AFAP1: variants seen among roughly 807,000 people sequenced by gnomAD.
AFAP1 encodes actin filament associated protein 1, also known as actin filament-associated protein 1.
Under a neutral mutation model 93.9 loss-of-function variants are expected in AFAP1, and 75 were observed. The ratio of observed to expected loss-of-function variants is 0.80; its 90% CI spans 0.66 to 0.97. AFAP1 has a LOEUF of 0.97. Ranked by LOEUF, AFAP1 falls within the 50% of genes least tolerant of loss-of-function variation. The probability of loss-of-function intolerance (pLI) is 0.00; values close to 1 mark genes in which losing one functional copy is unlikely to be tolerated. For synonymous variants in AFAP1, 517 were observed against 430.7 expected (o/e 1.20, Z -2.48); for missense variants, 1,201 against 1,050.8 (o/e 1.14, Z -1.98).
intron 10 of AFAP1, among the ~76,000 whole-genome samples, chr4:7,799,914 C>A (rs768635564): frequency 6.6e-6 from 1 of 152,106 alleles, no homozygotes; most frequent in East Asian, 1.9e-4. Context: ...ACAGCAAAGG[C>A]GCTCTTTCAG....
intron 6 of AFAP1, among the ~76,000 whole-genome samples, chr4:7,824,750 G>C (rs1174735874): frequency 6.6e-6 from 1 of 152,194 alleles, no homozygotes; most frequent in Non-Finnish European, 1.5e-5. Context: ...CGGGAAGGCT[G>C]AGGGAACGGG....
chr4:7,907,782 G>T lies in AFAP1; in HGVS notation c.-3+31874C>A, dbSNP rs543422147. Among the ~76,000 whole-genome samples, 3 of 152,234 alleles carry T rather than the reference G, an allele frequency of 2.0e-5. No individual in the cohort carries two copies. In the East Asian group the frequency reaches 5.8e-4, roughly 29 times the overall value. ...AACACTTCTGGTTCCAAGCAGTTTA[G>T]ATAAGGGATATTCAATCTGCATTGT... On this transcript the variant is annotated intron_variant, in intron 1 of 17. Transcript: ENST00000420658.
At chr4:7,924,584 C>T (rs1401430305) in intron 1 of AFAP1, among the ~76,000 whole-genome samples, 1 of 152,140 alleles carries the variant, frequency 6.6e-6, no homozygotes, top group African/African-American at 2.4e-5. Flanking sequence ...ACACAGACAT[C>T]TAAAAAATTC....
intron 3 of AFAP1, among the ~76,000 whole-genome samples, chr4:7,865,946 G>T (rs1388857982): frequency 6.6e-6 from 1 of 152,192 alleles, no homozygotes; most frequent in Admixed American, 6.5e-5. Flanking sequence ...ACGCAGGCTG[G>T]AGTGCAGTGG....
chr4:7,877,987 T>C (rs2149192898), intron 1 of AFAP1, among the ~76,000 whole-genome samples: 1 of 152,244 alleles, frequency 6.6e-6, no homozygotes, highest in Non-Finnish European at 1.5e-5. Flanking sequence ...ATAAACCAAG[T>C]GCTCAGAACA....
At chr4:7,873,988 A>G (rs536000863) in intron 1 of AFAP1, among the ~76,000 whole-genome samples, 1 of 152,318 alleles carries the variant, frequency 6.6e-6, no homozygotes, top group South Asian at 2.1e-4. Flanking sequence ...TATCCACCCC[A>G]TAAGAGCTTA....
chr4:7,821,119 CA>C lies in AFAP1; in HGVS notation c.727-1949del, dbSNP rs1720935752. On this transcript the variant is annotated intron_variant, in intron 6 of 17. Transcript: ENST00000420658. Reference sequence around the variant, plus strand: ...GGCGACAAGAGTGAAACTCCATCTCCAAAAATATATATATACATATATCTGT... The same window carrying C: ...GGCGACAAGAGTGAAACTCCATCTCCAAAATATATATATACATATATCTGT... 2.0e-5 allele frequency among the ~76,000 whole-genome samples: 3 copies of C among 152,230 alleles called. No individual in the cohort carries two copies. The South Asian group carries it at 6.2e-4, about 32-fold the overall frequency.
chr4:7,772,808 A>C lies in AFAP1; in HGVS notation c.2253+12T>G. The C allele has an allele frequency of 6.2e-7, 1 of 1,611,258 alleles. No individual in the cohort carries two copies. The highest frequency in any genetic ancestry group is 8.5e-7 in the Non-Finnish European group (1 of 1,178,270). The stretch of plus-strand genomic sequence containing the variant: ...CGCGCCAGCCTCCGAGGTGAGCCAG[A>C]AGGACACACACCTGTGGACTCGATG... On this transcript the variant is annotated intron_variant, in intron 16 of 17. Coordinates refer to ENST00000420658, the MANE Select transcript of AFAP1 (RefSeq NM_001134647.2).
Position 7,939,530 on chromosome 4 carries a change from C to G in AFAP1, c.-3+126G>C, listed in dbSNP as rs966463319. ...GCAGGCGCGGAGCCCCCGGTACCAC[C>G]CGAGGCCGAGACAAAGCCCAGGCGC... On this transcript the variant is annotated intron_variant, in intron 1 of 17. Transcript: ENST00000420658. The surrounding 1 kb of genome is among the most constrained non-coding windows in gnomAD (Gnocchi z 5.6). 3.6e-5 allele frequency: 13 copies of G among 363,620 alleles called. No individual in the cohort carries two copies. Among genetic ancestry groups the G allele is most frequent in the Non-Finnish European group, 6.5e-5 (12 of 185,922 alleles). The allele number at this position is 363,620 out of a possible 1,614,324, so 22.5% of individuals were successfully genotyped here. A position where few individuals can be genotyped will look rare whatever the true frequency, so the allele number is the denominator to read the frequency against.
intron 6 of AFAP1, among the ~76,000 whole-genome samples, chr4:7,823,068 C>G (rs1408607816): frequency 1.3e-5 from 2 of 151,974 alleles, no homozygotes; most frequent in Non-Finnish European, 2.9e-5. Flanking sequence ...CAGCTGAGGT[C>G]TCCCATCTTC....
chr4:7,764,650 C>T (rs1369759454), intron 17 of AFAP1, among the ~76,000 whole-genome samples: 3 of 152,230 alleles, frequency 2.0e-5, no homozygotes, highest in Non-Finnish European at 2.9e-5. Context: ...GTTCCATCCA[C>T]AGGCCCTGAG....
intron 10 of AFAP1, 144 bp downstream of exon 10, chr4:7,800,298 A>C: frequency 2.5e-6 from 2 of 788,810 alleles, no homozygotes; most frequent in Non-Finnish European, 4.2e-6. Flanking sequence ...TGGACTGGGC[A>C]GTGAGAGAAA....
chr4:7,841,913 G>A (rs1272135998), intron 5 of AFAP1, among the ~76,000 whole-genome samples: 1 of 151,876 alleles, frequency 6.6e-6, no homozygotes, highest in African/African-American at 2.4e-5. Context: ...AGGAGGGCAG[G>A]GGAGAGGGAC....
chr4:7,785,307 A>AC, intron 12 of AFAP1, among the ~76,000 whole-genome samples: 1 of 152,082 alleles, frequency 6.6e-6, no homozygotes, highest in African/African-American at 2.4e-5. Flanking sequence ...GGCCAGACAG[A>AC]CCCCCGAGGC....
At chr4:7,799,566 C>T (rs962762093) in intron 10 of AFAP1, among the ~76,000 whole-genome samples, 3 of 152,152 alleles carry the variant, frequency 2.0e-5, no homozygotes, top group African/African-American at 7.2e-5. Flanking sequence ...TGGTTTCTAT[C>T]GATTCTACAG....
At chr4:7,815,873 T>C in intron 8 of AFAP1, 145 bp downstream of exon 8, 1 of 652,460 alleles carries the variant, frequency 1.5e-6, no homozygotes, top group Non-Finnish European at 2.5e-6. Context: ...CTCCCATCAG[T>C]ATCCTCTGCC....
chr4:7,788,383 T>A (rs1007405267), intron 11 of AFAP1, among the ~76,000 whole-genome samples: 1 of 152,240 alleles, frequency 6.6e-6, no homozygotes, highest in African/African-American at 2.4e-5. Flanking sequence ...GGCTCCGGGC[T>A]GGGCTTCAGC....
intron 4 of AFAP1, among the ~76,000 whole-genome samples, chr4:7,845,728 A>G (rs1193780838): frequency 6.6e-6 from 1 of 151,850 alleles, no homozygotes; most frequent in Admixed American, 6.6e-5. Flanking sequence ...ACCCATCAGC[A>G]CCTACACTCA....
chr4:7,877,844 A>T (rs1029328553), intron 1 of AFAP1, among the ~76,000 whole-genome samples: 2 of 152,196 alleles, frequency 1.3e-5, no homozygotes, highest in African/African-American at 2.4e-5. Flanking sequence ...GTCAACATAG[A>T]CTACAGAGTA....
Sources: allele counts gnomAD v4.1 joint callset (sites outside exome capture counted in the v4.1 genomes callset), GRCh38; gene constraint gnomAD v4.1.1; non-coding constraint Gnocchi (gnomAD v3.1); transcripts MANE v1.5; gene names NCBI Gene and HGNC (gene_info 2026-07-23, HGNC 2026-07-21).